ROS1: variants seen among roughly 807,000 people sequenced by gnomAD.
ROS1 encodes the protein proto-oncogene tyrosine-protein kinase ROS.
ROS1 carries 263 observed loss-of-function variants against 273.5 expected under a neutral mutation model. That is an observed-to-expected ratio of 0.96 (90% CI 0.87 to 1.06). The LOEUF (loss-of-function observed/expected upper bound fraction) is 1.06. Among genes scored for constraint, ROS1 ranks in the 50% least tolerant of loss-of-function variants. The pLI, the probability that ROS1 is intolerant of heterozygous loss-of-function variation, is 0.00. For missense variants in ROS1, 2,833 were observed against 2,751.1 expected, an observed-to-expected ratio of 1.03 and a Z score of -0.67; for synonymous variants, 1,008 against 954.1, an observed-to-expected ratio of 1.06 and a Z score of -1.04.
Position 117,425,610 on chromosome 6 carries a change from G to A in ROS1, c.47C>T (p.Thr16Ile), listed in dbSNP as rs1464664635. The A allele has an allele frequency of 1.2e-6, 2 of 1,612,474 alleles. No individual in the cohort carries two copies. The highest frequency in any genetic ancestry group is 1.7e-4 in the Middle Eastern group (1 of 6,058). ...CACAGAAATCCATAGGCAGCCAAGA[G>A]TTGCAAAATTGACAAGCTTCGGAAT... Reference protein sequence around the residue: ...CLIPKLVNFATLGCLWISVVQ... With the variant: ...CLIPKLVNFAILGCLWISVVQ... The change falls in exon 1 of 44, where the codon ACT becomes ATT. Residue 16 changes from threonine (T) to isoleucine (I), a missense_variant. Transcript: ENST00000368507.
At chr6:117,323,329 A>G (rs1045745394) in intron 35 of ROS1, among the ~76,000 whole-genome samples, 3 of 152,192 alleles carry the variant, frequency 2.0e-5, no homozygotes, top group African/African-American at 7.2e-5. Context: ...CTTAGAACAC[A>G]GTAAAGTGTT....
chr6:117,321,199 C>T, intron 36 of ROS1, 60 bp downstream of exon 36: 1 of 1,568,586 alleles, frequency 6.4e-7, no homozygotes. Flanking sequence ...CATAGGCACT[C>T]TCCTTACTGT....
intron 35 of ROS1, among the ~76,000 whole-genome samples, chr6:117,322,755 C>T (rs149798165): frequency 6.7e-4 from 102 of 152,288 alleles, no homozygotes; most frequent in African/African-American, 2.3e-3. Flanking sequence ...TGCACACACA[C>T]GCTCTTACTA....
At position 117,337,218 on chromosome 6, in the gene ROS1, C is replaced by T. The variant is rs2128616857; in HGVS notation, c.5184G>A (p.Lys1728=). The T allele has an allele frequency of 6.2e-7, 1 of 1,612,614 alleles. No individual in the cohort carries two copies. The highest frequency in any genetic ancestry group is 8.5e-7 in the Non-Finnish European group (1 of 1,179,122). Residue 1728 remains lysine (K), a synonymous_variant, in exon 32 of 44, where the codon AAG becomes AAA. Coordinates refer to ENST00000368507, the MANE Select transcript of ROS1 (RefSeq NM_001378902.1). ...GAAGTGAGGTGCTATTTTCTCCCGTCTTATAAACCACCACTACTCTGACAT... is the reference window on the plus strand; with the variant it reads ...GAAGTGAGGTGCTATTTTCTCCCGTTTTATAAACCACCACTACTCTGACAT... The part of the protein sequence containing the change: ...SYNVRVVVVY[K]TGENSTSLPE...
At chr6:117,362,459 C>A in intron 22 of ROS1, 144 bp downstream of exon 22, 1 of 659,896 alleles carries the variant, frequency 1.5e-6, no homozygotes, top group South Asian at 2.8e-5. Context: ...AATTTTCTCA[C>A]ATAATTTTAA....
chr6:117,410,557 G>A (rs1774819751), intron 4 of ROS1, among the ~76,000 whole-genome samples: 1 of 152,092 alleles, frequency 6.6e-6, no homozygotes, highest in Admixed American at 6.5e-5. Flanking sequence ...ACTCTTAACA[G>A]ATGCATTAAC....
intron 12 of ROS1, among the ~76,000 whole-genome samples, chr6:117,392,098 G>A: frequency 6.6e-6 from 1 of 152,114 alleles, no homozygotes; most frequent in Non-Finnish European, 1.5e-5. Context: ...TTGTGTAAGT[G>A]TCAACAACAA....
At chr6:117,321,729 A>G (rs1242257467) in intron 35 of ROS1, among the ~76,000 whole-genome samples, 1 of 152,044 alleles carries the variant, frequency 6.6e-6, no homozygotes, top group Non-Finnish European at 1.5e-5. Context: ...AAATAAACCA[A>G]AACAAACATA....
chr6:117,362,792 C>G lies in ROS1; in HGVS notation c.3177G>C (p.Val1059=). The change falls in exon 22 of 44, where the codon GTG becomes GTC. Residue 1059 remains valine, a synonymous_variant. Transcript: ENST00000368507. ...TAGGTTTGTTCCACCTAAATTCCAC[C>G]ACAACTTCATTCTTGTTGCAGCATT... The part of the protein sequence containing the change: ...SGKCCNKNEV[V]VEFRWNKPKH... 12 of 1,613,636 alleles carry G rather than the reference C, an allele frequency of 7.4e-6. No individual in the cohort carries two copies. Among genetic ancestry groups the G allele is most frequent in the Non-Finnish European group, 1.0e-5 (12 of 1,179,730 alleles).
chr6:117,360,299 C>CAT, intron 23 of ROS1, 43 bp downstream of exon 23: 5 of 1,455,516 alleles, frequency 3.4e-6, no homozygotes, highest in Non-Finnish European at 4.8e-6. Flanking sequence ...CACACACACA[C>CAT]GCCTCTAAAT....
chr6:117,369,530 C>T (rs1247336707), intron 18 of ROS1, among the ~76,000 whole-genome samples: 5 of 151,780 alleles, frequency 3.3e-5, no homozygotes, highest in South Asian at 2.1e-4. Context: ...GCCGAGATCG[C>T]GCCACTGCAC....
chr6:117,369,292 A>AT lies in ROS1; in HGVS notation c.2583-3003dup, dbSNP rs527415011. On this transcript the variant is annotated intron_variant, in intron 18 of 43. Transcript: ENST00000368507. ...TACTAAACTTGAAATGAGGAAATAC[A>AT]TTTTTTAAGAAGGAACTTCCTTCCT... Among the ~76,000 whole-genome samples the AT allele has an allele frequency of 2.2e-3, 329 of 152,324 alleles. 2 individuals carry two copies. The highest frequency in any genetic ancestry group is 4.1e-3 in the Admixed American group (62 of 15,300).
chr6:117,326,411 CT>C lies in ROS1; in HGVS notation c.5351del (p.Lys1784ArgfsTer12). The C allele has an allele frequency of 6.6e-7, 1 of 1,518,910 alleles. No individual in the cohort carries two copies. The highest frequency in any genetic ancestry group is 1.7e-4 in the Middle Eastern group (1 of 5,786). The allele number at this position is 1,518,910 out of a possible 1,614,324, so 94.1% of individuals were successfully genotyped here. ...RITYYILEIR[K>X]STSNNLQNQN... ...GGTTCTGTAAATTATTTGAAGTGCT[CT>C]TTCTGCAAAAAATAATAAATACAGA... On this transcript the variant is annotated frameshift_variant and splice_region_variant, in exon 34 of 44. Coordinates refer to ENST00000368507, the MANE Select transcript of ROS1 (RefSeq NM_001378902.1). LOFTEE classifies it high-confidence loss of function.
chr6:117,356,663 C>T lies in ROS1; in HGVS notation c.4092G>A (p.Gln1364=), dbSNP rs771382014. 2.5e-6 allele frequency: 4 copies of T among 1,613,964 alleles called. No individual in the cohort carries two copies. In the Admixed American group the frequency reaches 5.0e-5, roughly 20 times the overall value. Reference sequence around the variant, plus strand: ...CAGGTACTGTGATAACTCTCCAACACTGACAGCCTTCCAGATCCATTGCCC... The same window carrying T: ...CAGGTACTGTGATAACTCTCCAACATTGACAGCCTTCCAGATCCATTGCCC... ...EIWAMDLEGC[Q]CWRVITVPAM... is the part of the protein sequence containing the mutation. Residue 1364 remains glutamine (Q), a synonymous_variant, in exon 26 of 44, where the codon CAG becomes CAA. Coordinates refer to ENST00000368507, the MANE Select transcript of ROS1 (RefSeq NM_001378902.1).
At chr6:117,355,366 A>G (rs989706293) in intron 26 of ROS1, among the ~76,000 whole-genome samples, 5 of 152,312 alleles carry the variant, frequency 3.3e-5, no homozygotes, top group African/African-American at 1.2e-4. Context: ...TAAACATAGG[A>G]ATTGCTTCTA....
chr6:117,332,384 G>A (rs553692605), intron 32 of ROS1, among the ~76,000 whole-genome samples: 5 of 152,184 alleles, frequency 3.3e-5, no homozygotes, highest in South Asian at 2.1e-4. Flanking sequence ...AGACTGCCAC[G>A]CAATAGTAGT....
At chr6:117,371,355 C>A (rs1486751383) in intron 18 of ROS1, among the ~76,000 whole-genome samples, 1 of 152,100 alleles carries the variant, frequency 6.6e-6, no homozygotes, top group African/African-American at 2.4e-5. Flanking sequence ...ACCTCACATG[C>A]AGCTGAGGCA....
At chr6:117,362,909 T>C (rs1198945701) in intron 21 of ROS1, 44 bp from the exon 22 acceptor site, 4 of 1,470,396 alleles carry the variant, frequency 2.7e-6, no homozygotes, top group Middle Eastern at 2.4e-4. Context: ...AATATAAGAA[T>C]ATAAAGAATA....
At position 117,362,791 on chromosome 6, in the gene ROS1, C is replaced by T; in HGVS notation, c.3178G>A (p.Val1060Met). The change falls in exon 22 of 44, where the codon GTG becomes ATG. Residue 1060 changes from valine (V) to methionine (M), a missense_variant. Transcript: ENST00000368507. ...GKCCNKNEVV[V>M]EFRWNKPKHE... ...TTAGGTTTGTTCCACCTAAATTCCA[C>T]CACAACTTCATTCTTGTTGCAGCAT... 2.5e-6 allele frequency: 4 copies of T among 1,613,660 alleles called. No individual in the cohort carries two copies. Among genetic ancestry groups the T allele is most frequent in the Non-Finnish European group, 3.4e-6 (4 of 1,179,706 alleles).
Sources: gnomAD v4.1 joint callset for allele counts (sites outside exome capture counted in the v4.1 genomes callset) on GRCh38, gnomAD v4.1.1 for gene constraint, MANE v1.5 for transcripts, NCBI Gene and HGNC (gene_info 2026-07-23, HGNC 2026-07-21) for gene names.